The following SLC39A10 variants were observed in gnomAD, a reference collection of about 807,000 sequenced individuals.
The protein encoded by SLC39A10 is solute carrier family 39 member 10.
Under a neutral mutation model 65.1 loss-of-function variants are expected in SLC39A10, and 13 were observed. The ratio of observed to expected loss-of-function variants is 0.20; its 90% confidence interval spans 0.13 to 0.32. The LOEUF is 0.32. Among genes scored for constraint, SLC39A10 ranks in the 10% least tolerant of loss-of-function variants. The pLI is 1.00. For synonymous variants in SLC39A10, 321 were observed against 342.2 expected, an observed-to-expected ratio of 0.94 and a Z score of 0.68; for missense variants, 831 against 1,018.4, an observed-to-expected ratio of 0.82 and a Z score of 2.50.
intron 8 of SLC39A10, among the ~76,000 whole-genome samples, chr2:195,721,492 G>A (rs996214760): frequency 1.7e-4 from 25 of 151,508 alleles, no homozygotes; most frequent in African/African-American, 6.1e-4. Flanking sequence ...TTGGATTACT[G>A]TTTCCTCTTA....
chr2:195,673,421 G>C (rs1362921874), intron 1 of SLC39A10, among the ~76,000 whole-genome samples: 1 of 152,190 alleles, frequency 6.6e-6, no homozygotes, highest in African/African-American at 2.4e-5. Context: ...GCCTCCCAAA[G>C]TGTTGGAATT....
chr2:195,670,366 A>G (rs1299649311), intron 1 of SLC39A10: 2 of 152,126 alleles, frequency 1.3e-5, no homozygotes, highest in Non-Finnish European at 2.9e-5. Flanking sequence ...TGTGGTGACA[A>G]CATTCAACAA....
rs1181566262 is a variant in SLC39A10, at chr2:195,735,539, G to GTA, written c.*499_*500dup. 3 of 152,662 alleles carry GTA rather than the reference G, an allele frequency of 2.0e-5. No homozygotes were observed. The highest frequency in any genetic ancestry group is 4.4e-5 in the Non-Finnish European group (3 of 68,056). The allele number at this position is 152,662 out of a possible 1,614,324, so 9.5% of individuals were successfully genotyped here. On this transcript the variant is annotated 3_prime_UTR_variant, in exon 10 of 10. Transcript: ENST00000359634. ...TGACACAACTTTGAAACTGCATAAA[G>GTA]TAGACATAGGAACTAGAGGAAAGCT...
chr2:195,690,080 G>A (rs1470710372), intron 3 of SLC39A10, among the ~76,000 whole-genome samples: 1 of 147,640 alleles, frequency 6.8e-6, no homozygotes, highest in Non-Finnish European at 1.5e-5. Flanking sequence ...GGGACGTTGA[G>A]GCAGGAGAAT....
At chr2:195,661,066 A>G (rs1689375720) in intron 1 of SLC39A10, among the ~76,000 whole-genome samples, 1 of 152,160 alleles carries the variant, frequency 6.6e-6, no homozygotes, top group Non-Finnish European at 1.5e-5. Flanking sequence ...AATGAAACCC[A>G]AGTATTCAGT....
At chr2:195,663,250 A>G (rs951371803) in intron 1 of SLC39A10, among the ~76,000 whole-genome samples, 9 of 152,084 alleles carry the variant, frequency 5.9e-5, no homozygotes, top group African/African-American at 1.9e-4. Context: ...TCATAAAGCA[A>G]TTCAAAACTG....
chr2:195,691,537 G>A (rs895056629), intron 3 of SLC39A10, among the ~76,000 whole-genome samples: 3 of 151,978 alleles, frequency 2.0e-5, no homozygotes, highest in Non-Finnish European at 4.4e-5. Context: ...ATTATTTTTT[G>A]GTTTTTTGAT....
At chr2:195,693,106 G>C (rs1690805487) in intron 3 of SLC39A10, among the ~76,000 whole-genome samples, 1 of 152,056 alleles carries the variant, frequency 6.6e-6, no homozygotes, top group South Asian at 2.1e-4. Context: ...TTTTAATTTT[G>C]TTTATGTGGT....
chr2:195,684,828 C>T (rs2105778263), intron 3 of SLC39A10, among the ~76,000 whole-genome samples: 1 of 152,226 alleles, frequency 6.6e-6, no homozygotes, highest in South Asian at 2.1e-4. Context: ...ATTTACCTTT[C>T]TAAAATGCAA....
intron 8 of SLC39A10, among the ~76,000 whole-genome samples, chr2:195,725,163 T>C (rs1161683333): frequency 5.3e-5 from 8 of 152,098 alleles, no homozygotes; most frequent in Admixed American, 4.6e-4. Context: ...GTAATCTAAA[T>C]GGAGATTCTT....
At chr2:195,629,056 A>T (rs1484708318) in intron 2 of SLC39A10, among the ~76,000 whole-genome samples, 1 of 152,156 alleles carries the variant, frequency 6.6e-6, no homozygotes, top group African/African-American at 2.4e-5. Context: ...TGTTGGTAAA[A>T]GATACCTCCA....
intron 2 of SLC39A10, among the ~76,000 whole-genome samples, chr2:195,635,766 T>TATTC (rs1688686964): frequency 6.6e-6 from 1 of 150,408 alleles, no homozygotes; most frequent in South Asian, 2.1e-4. Flanking sequence ...TAGACTTGAA[T>TATTC]GTTTTGCAGA....
chr2:195,725,117 TATCTC>T (rs1692188625), intron 8 of SLC39A10, among the ~76,000 whole-genome samples: 2 of 152,052 alleles, frequency 1.3e-5, no homozygotes, highest in Admixed American at 6.5e-5. Context: ...CTTTGACCCA[TATCTC>T]ACTATAGAAA....
At chr2:195,644,143 A>AT (rs11356816) in intron 2 of SLC39A10, among the ~76,000 whole-genome samples, 7 of 145,008 alleles carry the variant, frequency 4.8e-5, no homozygotes, top group African/African-American at 1.8e-4. Context: ...ATGTACATTC[A>AT]TTTTTTTTTT....
intron 2 of SLC39A10, among the ~76,000 whole-genome samples, chr2:195,617,948 C>T (rs987600727): frequency 4.0e-5 from 6 of 148,670 alleles, no homozygotes; most frequent in Admixed American, 3.4e-4. Context: ...ACCATGTTAG[C>T]CAGGATGGTC....
At chr2:195,633,939 T>G (rs746353303) in intron 2 of SLC39A10, among the ~76,000 whole-genome samples, 1 of 152,236 alleles carries the variant, frequency 6.6e-6, no homozygotes, top group Non-Finnish European at 1.5e-5. Flanking sequence ...AGGGTGGGGC[T>G]TCGCCAGGGA....
intron 3 of SLC39A10, among the ~76,000 whole-genome samples, chr2:195,698,177 A>G (rs1691043727): frequency 6.6e-6 from 1 of 152,166 alleles, no homozygotes; most frequent in South Asian, 2.1e-4. Context: ...TAGAGAAAGT[A>G]GAGTACTTGG....
At position 195,681,388 on chromosome 2, in the gene SLC39A10, TG is replaced by T. The variant is rs1424101734; in HGVS notation, c.1008+340del. On this transcript the variant is annotated intron_variant, in intron 2 of 9. Coordinates refer to ENST00000359634, the MANE Select transcript of SLC39A10 (RefSeq NM_020342.3). The stretch of plus-strand genomic sequence containing the variant: ...AAAAATACAAAAAATTAGCGGGGCA[TG>T]GTGGCGGGCGCCTGTAGCCCCAGCT... Among the ~76,000 whole-genome samples, 3 of 152,010 alleles carry T rather than the reference TG, an allele frequency of 2.0e-5. No homozygotes were observed. The South Asian group carries it at 6.2e-4, about 32-fold the overall frequency.
chr2:195,637,316 C>T (rs1312051289), intron 2 of SLC39A10, among the ~76,000 whole-genome samples: 3 of 152,188 alleles, frequency 2.0e-5, no homozygotes, highest in African/African-American at 7.2e-5. Flanking sequence ...CTCTGGCCTG[C>T]CTGTCAGAAA....
Sources: gnomAD v4.1 joint callset for allele counts (sites outside exome capture counted in the v4.1 genomes callset) on GRCh38, gnomAD v4.1.1 for gene constraint, MANE v1.5 for transcripts, NCBI Gene and HGNC (gene_info 2026-07-23, HGNC 2026-07-21) for gene names.